Variants in MSR1 observed in about 807,000 individuals in gnomAD.
MSR1 encodes macrophage scavenger receptor 1.
Under a neutral mutation model 47.2 loss-of-function variants are expected in MSR1, and 53 were observed. That is an observed-to-expected ratio of 1.12 (90% CI 0.90 to 1.41). The LOEUF is 1.41. MSR1 is among the 40% of genes most tolerant of loss of function. MSR1 has a pLI of 0.00. For missense variants in MSR1, 786 were observed against 546.9 expected, an observed-to-expected ratio of 1.44 and a Z score of -4.36; for synonymous variants, 239 against 185.6, an observed-to-expected ratio of 1.29 and a Z score of -2.34.
At chr8:16,138,314 C>G (rs184316773) in intron 8 of MSR1, among the ~76,000 whole-genome samples, 243 of 152,260 alleles carry the variant, frequency 1.6e-3, no homozygotes, top group African/African-American at 4.9e-3. Context: ...TTTCGTGTGA[C>G]TGAAACATCA....
At chr8:16,185,510 T>C (rs1470182634) in intron 1 of MSR1, among the ~76,000 whole-genome samples, 4 of 152,150 alleles carry the variant, frequency 2.6e-5, no homozygotes, top group Non-Finnish European at 4.4e-5. Flanking sequence ...GTGGAGAATA[T>C]GTGATATAGT....
intron 8 of MSR1, among the ~76,000 whole-genome samples, chr8:16,122,951 C>A (rs1585138076): frequency 6.7e-6 from 1 of 150,246 alleles, no homozygotes; most frequent in Admixed American, 6.7e-5. Context: ...TTCAAGCCAT[C>A]CTCCTGCCTC....
chr8:16,179,871 C>T (rs1481539982), intron 1 of MSR1, among the ~76,000 whole-genome samples: 7 of 88,084 alleles, frequency 7.9e-5, no homozygotes, highest in Non-Finnish European at 1.2e-4. Flanking sequence ...GAGTGAAACC[C>T]TGTGTCTCAA....
chr8:16,134,865 A>G (rs1800352286), intron 8 of MSR1, among the ~76,000 whole-genome samples: 1 of 152,216 alleles, frequency 6.6e-6, no homozygotes, highest in Non-Finnish European at 1.5e-5. Context: ...AGTGGCCTTC[A>G]TATATGATCA....
At chr8:16,119,309 T>G (rs1033964794) in intron 9 of MSR1, among the ~76,000 whole-genome samples, 1 of 151,802 alleles carries the variant, frequency 6.6e-6, no homozygotes, top group Middle Eastern at 3.4e-3. Context: ...CACTGCAACC[T>G]CCACCTCCTG....
At chr8:16,163,289 G>C (rs1264332316) in intron 5 of MSR1, among the ~76,000 whole-genome samples, 1 of 151,308 alleles carries the variant, frequency 6.6e-6, no homozygotes, top group African/African-American at 2.4e-5. Flanking sequence ...AGTGCAAAGA[G>C]ATGGTCAGAT....
At chr8:16,162,677 A>G (rs919628018) in intron 5 of MSR1, among the ~76,000 whole-genome samples, 1 of 152,076 alleles carries the variant, frequency 6.6e-6, no homozygotes, top group Non-Finnish European at 1.5e-5. Flanking sequence ...AAGATTTTAT[A>G]GAATAGTGTT....
chr8:16,126,439 T>G (rs1800130696), intron 8 of MSR1, among the ~76,000 whole-genome samples: 2 of 152,146 alleles, frequency 1.3e-5, no homozygotes, highest in African/African-American at 4.8e-5. Context: ...AGTTATGATA[T>G]TTGAGATGCA....
chr8:16,114,797 C>T (rs1477650370), intron 9 of MSR1, among the ~76,000 whole-genome samples: 1 of 152,114 alleles, frequency 6.6e-6, no homozygotes, highest in Non-Finnish European at 1.5e-5. Flanking sequence ...GCCAGGTTTG[C>T]TATTTAAAAC....
At position 16,109,662 on chromosome 8, in the gene MSR1, T is replaced by A. The variant is rs1799711657; in HGVS notation, c.*423A>T. 1 of 194,110 alleles carries A rather than the reference T, an allele frequency of 5.2e-6. No individual in the cohort carries two copies. Among genetic ancestry groups the A allele is most frequent in the Non-Finnish European group, 1.1e-5 (1 of 92,924 alleles). 12.0% of individuals were successfully genotyped at this position (194,110 alleles called of 1,614,324 possible). On this transcript the variant is annotated 3_prime_UTR_variant, in exon 10 of 10. Transcript: ENST00000262101. ...TGCAATCTAGGCACAAAAGATATCT[T>A]CTGATCCCTTCCGTTATTCAGAAAG...
At chr8:16,140,192 T>G (rs1800516508) in intron 8 of MSR1, 2 of 984,968 alleles carry the variant, frequency 2.0e-6, no homozygotes, top group Non-Finnish European at 2.4e-6. Flanking sequence ...ACAGTTCTCC[T>G]AGAACCCAAT....
chr8:16,141,104 C>T (rs1800545813), intron 8 of MSR1: 2 of 1,594,808 alleles, frequency 1.3e-6, no homozygotes, highest in Admixed American at 1.7e-5. Context: ...GAAAGCCTTA[C>T]AAAATTTTAA....
At chr8:16,143,087 G>C (rs911408575) in intron 8 of MSR1, among the ~76,000 whole-genome samples, 2 of 152,058 alleles carry the variant, frequency 1.3e-5, no homozygotes, top group Non-Finnish European at 2.9e-5. Flanking sequence ...TAGGTTTAAA[G>C]GTTTAGAACA....
At chr8:16,152,667 C>T (rs933641794) in intron 6 of MSR1, among the ~76,000 whole-genome samples, 2 of 152,064 alleles carry the variant, frequency 1.3e-5, no homozygotes, top group African/African-American at 4.8e-5. Context: ...AGATGGCCCA[C>T]ACAAAGTTTC....
At chr8:16,131,437 GATAGT>G (rs1800252890) in intron 8 of MSR1, among the ~76,000 whole-genome samples, 1 of 96,620 alleles carries the variant, frequency 1.0e-5, no homozygotes, top group South Asian at 3.3e-4. Flanking sequence ...TTACTCTGTT[GATAGT>G]TTTTTTTTTT....
At chr8:16,163,746 G>C (rs1363433234) in intron 5 of MSR1, among the ~76,000 whole-genome samples, 1 of 151,680 alleles carries the variant, frequency 6.6e-6, no homozygotes, top group Non-Finnish European at 1.5e-5. Flanking sequence ...TAACAAGCTT[G>C]GTTTGTGAAC....
chr8:16,154,228 A>G (rs1800938471), intron 6 of MSR1, among the ~76,000 whole-genome samples: 1 of 152,004 alleles, frequency 6.6e-6, no homozygotes, highest in African/African-American at 2.4e-5. Flanking sequence ...AGTACATGGT[A>G]TTTAGACATG....
intron 8 of MSR1, among the ~76,000 whole-genome samples, chr8:16,132,129 GT>G (rs1349859440): frequency 2.0e-5 from 3 of 151,862 alleles, no homozygotes; most frequent in African/African-American, 7.3e-5. Flanking sequence ...AGCTTGGAAT[GT>G]TTTTCTATTT....
At chr8:16,191,578 A>AC (rs111599024) in intron 1 of MSR1, among the ~76,000 whole-genome samples, 27,727 of 151,942 alleles carry the variant, frequency 0.18, 3,958 homozygotes, top group African/African-American at 0.39. Flanking sequence ...CATGAGGTAC[A>AC]AGTAGTATTT....
Sources: gnomAD v4.1 joint callset for allele counts (sites outside exome capture counted in the v4.1 genomes callset) on GRCh38, gnomAD v4.1.1 for gene constraint, MANE v1.5 for transcripts, NCBI Gene and HGNC (gene_info 2026-07-23, HGNC 2026-07-21) for gene names.